The following NAV2 variants were observed in gnomAD, a reference collection of about 807,000 sequenced individuals.
The protein encoded by NAV2 is helicase, APC down-regulated 1.
Under a neutral mutation model 223.2 loss-of-function variants are expected in NAV2, and 54 were observed. The observed-to-expected ratio is 0.24, with a 90% CI of 0.19 to 0.30. The LOEUF (loss-of-function observed/expected upper bound fraction) is 0.30, where lower values mean the gene tolerates loss of function less well. Ranked by LOEUF, NAV2 falls within the 10% of genes least tolerant of loss-of-function variation. The pLI is 1.00. For synonymous variants in NAV2, 1,279 were observed against 1,239.3 expected, an observed-to-expected ratio of 1.03 and a Z score of -0.67; for missense variants, 2,806 against 3,147.5, an observed-to-expected ratio of 0.89 and a Z score of 2.60.
chr11:19,692,536 CTTGT>C (rs2049208242), intron 1 of NAV2, among the ~76,000 whole-genome samples: 1 of 152,170 alleles, frequency 6.6e-6, no homozygotes, highest in Admixed American at 6.5e-5. Context: ...AAAATCATTC[CTTGT>C]TTGAGTCCTT....
intron 11 of NAV2, among the ~76,000 whole-genome samples, chr11:20,023,435 T>A (rs1207253765): frequency 6.6e-6 from 1 of 152,164 alleles, no homozygotes; most frequent in African/African-American, 2.4e-5. Context: ...GTAATGTCAA[T>A]ATTTTCCAAA....
chr11:19,790,438 T>C (rs1178536044), intron 1 of NAV2, among the ~76,000 whole-genome samples: 1 of 152,192 alleles, frequency 6.6e-6, no homozygotes, highest in South Asian at 2.1e-4. Context: ...TAGAAGAGTG[T>C]CCTCAGCACC....
chr11:19,881,237 C>T (rs1310183140), intron 5 of NAV2, among the ~76,000 whole-genome samples: 3 of 152,174 alleles, frequency 2.0e-5, no homozygotes, highest in Non-Finnish European at 4.4e-5. Context: ...TAATGCAAAT[C>T]AGGTCCCATA....
chr11:19,843,288 G>A (rs747115340), intron 3 of NAV2, among the ~76,000 whole-genome samples: 10 of 152,180 alleles, frequency 6.6e-5, no homozygotes, highest in Admixed American at 2.0e-4. Context: ...GCTGAGGCAC[G>A]GATGAAGTGA....
intron 1 of NAV2, among the ~76,000 whole-genome samples, chr11:19,533,993 A>T (rs2044110822): frequency 7.6e-6 from 1 of 132,158 alleles, no homozygotes; most frequent in African/African-American, 4.4e-5. Context: ...GGCGTGAGCC[A>T]CCGCGCCCGG....
intron 1 of NAV2, among the ~76,000 whole-genome samples, chr11:19,736,957 G>T (rs1479536847): frequency 2.0e-5 from 3 of 152,232 alleles, no homozygotes; most frequent in Admixed American, 1.3e-4. Context: ...TAATATGCCA[G>T]CCCCATTTTG....
chr11:20,007,604 G>A (rs2053193820), intron 11 of NAV2, among the ~76,000 whole-genome samples: 1 of 152,178 alleles, frequency 6.6e-6, no homozygotes, highest in Non-Finnish European at 1.5e-5. Flanking sequence ...TTTGCACCCG[G>A]GTCACCAGGA....
Position 19,889,206 on chromosome 11 carries a change from G to A in NAV2, c.771-3228G>A, listed in dbSNP as rs926195725. Among the ~76,000 whole-genome samples the A allele has an allele frequency of 5.3e-5, 8 of 152,274 alleles. No individual in the cohort carries two copies. In the South Asian group the frequency reaches 1.0e-3, roughly 20 times the overall value. ...TTTTGGTTCCCTCCTGGGTGAGTCC[G>A]GGCTTAGCTTTTTTTCTTTCTTCCC... On this transcript the variant is annotated intron_variant, in intron 5 of 37. Coordinates refer to ENST00000349880, the MANE Select transcript of NAV2 (RefSeq NM_145117.5).
chr11:19,367,718 T>G (rs1360315764), intron 1 of NAV2, among the ~76,000 whole-genome samples: 1 of 152,162 alleles, frequency 6.6e-6, no homozygotes, highest in Admixed American at 6.5e-5. Context: ...AGGACTAGAA[T>G]GCCTCCTAAG....
intron 1 of NAV2, chr11:19,503,318 C>T (rs1417384424): frequency 6.6e-6 from 1 of 152,174 alleles, no homozygotes; most frequent in Non-Finnish European, 1.5e-5. Flanking sequence ...CACTCAAAGT[C>T]CATAGTTTAC....
intron 11 of NAV2, among the ~76,000 whole-genome samples, chr11:20,032,342 C>T (rs2055855570): frequency 1.3e-5 from 2 of 152,196 alleles, no homozygotes; most frequent in Admixed American, 6.5e-5. Context: ...GCACGCAGTG[C>T]TCCAGGCACT....
chr11:19,932,316 A>G (rs2045448180), intron 6 of NAV2, among the ~76,000 whole-genome samples: 1 of 149,966 alleles, frequency 6.7e-6, no homozygotes, highest in African/African-American at 2.4e-5. Flanking sequence ...CCATGTTTGC[A>G]ACGTGTTTTG....
intron 1 of NAV2, among the ~76,000 whole-genome samples, chr11:19,395,693 C>T (rs1564903240): frequency 6.6e-6 from 1 of 152,218 alleles, no homozygotes; most frequent in Non-Finnish European, 1.5e-5. Flanking sequence ...AAACCAAGCA[C>T]ACTGATGGCT....
chr11:19,649,301 C>G (rs184459669), intron 1 of NAV2, among the ~76,000 whole-genome samples: 341 of 152,214 alleles, frequency 2.2e-3, no homozygotes, highest in African/African-American at 6.5e-3. Context: ...TACAAGAGCT[C>G]TAGGGGACTT....
intron 1 of NAV2, among the ~76,000 whole-genome samples, chr11:19,770,682 C>T (rs953577632): frequency 6.6e-6 from 1 of 152,162 alleles, no homozygotes; most frequent in Non-Finnish European, 1.5e-5. Flanking sequence ...TACCCTGGAG[C>T]TTTCAAATTA....
chr11:19,650,391 C>G (rs1490952762), intron 1 of NAV2, among the ~76,000 whole-genome samples: 3 of 152,138 alleles, frequency 2.0e-5, no homozygotes, highest in Non-Finnish European at 4.4e-5. Flanking sequence ...AGAAACCTCC[C>G]TAAGAGGCTT....
At chr11:19,411,877 T>G (rs1176905514) in intron 1 of NAV2, among the ~76,000 whole-genome samples, 1 of 152,154 alleles carries the variant, frequency 6.6e-6, no homozygotes, top group Non-Finnish European at 1.5e-5. Flanking sequence ...GGTGCATCTA[T>G]GAAGCAGAAA....
chr11:19,400,721 A>G (rs1015444386), intron 1 of NAV2, among the ~76,000 whole-genome samples: 1 of 152,138 alleles, frequency 6.6e-6, no homozygotes, highest in Admixed American at 6.5e-5. Flanking sequence ...GTGAACAGTG[A>G]CCCCTAGGGC....
chr11:20,060,099 C>T (rs1008121281), intron 19 of NAV2, among the ~76,000 whole-genome samples: 1 of 152,252 alleles, frequency 6.6e-6, no homozygotes, highest in Non-Finnish European at 1.5e-5. Context: ...GTGCTCTTCT[C>T]TGCCTGTGGC....
Sources: allele counts gnomAD v4.1 joint callset (sites outside exome capture counted in the v4.1 genomes callset), GRCh38; gene constraint gnomAD v4.1.1; transcripts MANE v1.5; gene names NCBI Gene and HGNC (gene_info 2026-07-23, HGNC 2026-07-21).